Variants in LYPLAL1 observed in about 807,000 individuals in gnomAD.
The protein encoded by LYPLAL1 is lysophospholipase like 1.
LYPLAL1 carries 23 observed loss-of-function variants against 19.7 expected under a neutral mutation model. That is an observed-to-expected ratio of 1.17 (90% CI 0.84 to 1.65). The LOEUF is 1.65. LYPLAL1 is among the 40% of genes most tolerant of loss of function. The pLI is 0.00. For missense variants in LYPLAL1, 355 were observed against 279.4 expected, an observed-to-expected ratio of 1.27 and a Z score of -1.93; for synonymous variants, 119 against 96.3, an observed-to-expected ratio of 1.24 and a Z score of -1.38.
chr1:219,252,959 GA>G, the LYPLAL1 span, among the ~76,000 whole-genome samples: 2 of 151,990 alleles, frequency 1.3e-5, no homozygotes, highest in Non-Finnish European at 2.9e-5. Context: ...TTCAATTTCA[GA>G]GTTTCTTATT....
chr1:219,397,483 G>A, the LYPLAL1 span, among the ~76,000 whole-genome samples: 1 of 152,216 alleles, frequency 6.6e-6, no homozygotes, highest in South Asian at 2.1e-4. Context: ...ATTTCAGTAG[G>A]AATTGTACCA....
intron 2 of LYPLAL1, among the ~76,000 whole-genome samples, chr1:219,192,507 A>G (rs1413795597): frequency 6.6e-6 from 1 of 151,662 alleles, no homozygotes; most frequent in African/African-American, 2.4e-5. Context: ...GGGCATGCCA[A>G]GGGATAAGGA....
At chr1:219,202,577 C>T (rs895805960) in intron 3 of LYPLAL1, among the ~76,000 whole-genome samples, 24 of 152,144 alleles carry the variant, frequency 1.6e-4, no homozygotes, top group African/African-American at 3.4e-4. Flanking sequence ...CTATTCATAA[C>T]GTTTTAATGA....
the LYPLAL1 span, among the ~76,000 whole-genome samples, chr1:219,344,551 T>C: frequency 6.6e-6 from 1 of 152,336 alleles, no homozygotes; most frequent in South Asian, 2.1e-4. Flanking sequence ...ACTTCCTGTT[T>C]TATATCAACA....
the LYPLAL1 span, among the ~76,000 whole-genome samples, chr1:219,289,599 T>G: frequency 6.6e-6 from 1 of 152,074 alleles, no homozygotes; most frequent in Non-Finnish European, 1.5e-5. Flanking sequence ...CAGAAAGAAG[T>G]ATGGTTTTCA....
At chr1:219,256,603 C>G in the LYPLAL1 span, among the ~76,000 whole-genome samples, 1 of 151,964 alleles carries the variant, frequency 6.6e-6, no homozygotes, top group East Asian at 1.9e-4. Flanking sequence ...AACTGTTGCT[C>G]TAACCTTTAT....
At chr1:219,294,973 T>G in the LYPLAL1 span, among the ~76,000 whole-genome samples, 359 of 152,218 alleles carry the variant, frequency 2.4e-3, no homozygotes, top group Admixed American at 5.8e-3. Context: ...TGAGGCAGCT[T>G]CTTTCAGCCA....
chr1:219,237,763 A>G, the LYPLAL1 span, among the ~76,000 whole-genome samples: 4 of 151,892 alleles, frequency 2.6e-5, no homozygotes, highest in African/African-American at 9.7e-5. Flanking sequence ...ATAGCACCTT[A>G]TGCTTCCTGT....
the LYPLAL1 span, among the ~76,000 whole-genome samples, chr1:219,336,058 G>C: frequency 6.6e-6 from 1 of 150,964 alleles, no homozygotes; most frequent in Admixed American, 6.6e-5. Context: ...TGGTCACCTA[G>C]AGAACATTTT....
chr1:219,357,866 G>A, the LYPLAL1 span, among the ~76,000 whole-genome samples: 1 of 152,156 alleles, frequency 6.6e-6, no homozygotes, highest in Non-Finnish European at 1.5e-5. Flanking sequence ...AAATAAGTTA[G>A]CTATCAAACC....
chr1:219,284,195 C>A, the LYPLAL1 span, among the ~76,000 whole-genome samples: 1 of 152,168 alleles, frequency 6.6e-6, no homozygotes, highest in African/African-American at 2.4e-5. Context: ...CCCAGCCATG[C>A]AGAACTGTGA....
At chr1:219,278,348 A>G in the LYPLAL1 span, among the ~76,000 whole-genome samples, 1 of 152,218 alleles carries the variant, frequency 6.6e-6, no homozygotes, top group Non-Finnish European at 1.5e-5. Context: ...AGGGAGAGAG[A>G]GAAAAAAACA....
chr1:219,196,376 A>G (rs1657602713), intron 3 of LYPLAL1, among the ~76,000 whole-genome samples: 1 of 152,168 alleles, frequency 6.6e-6, no homozygotes, highest in East Asian at 1.9e-4. Flanking sequence ...ATTTTTAATA[A>G]TTGCCACTCA....
chr1:219,257,949 G>T, the LYPLAL1 span, among the ~76,000 whole-genome samples: 1 of 151,954 alleles, frequency 6.6e-6, no homozygotes, highest in South Asian at 2.1e-4. Flanking sequence ...TCCCAGGAAT[G>T]CATTCCTTCC....
the LYPLAL1 span, among the ~76,000 whole-genome samples, chr1:219,347,995 A>T: frequency 6.6e-6 from 1 of 152,282 alleles, no homozygotes; most frequent in Middle Eastern, 3.4e-3. Context: ...AGAAATCTGG[A>T]TTATTGCTCA....
the LYPLAL1 span, among the ~76,000 whole-genome samples, chr1:219,277,080 A>G: frequency 6.6e-6 from 1 of 152,298 alleles, no homozygotes; most frequent in Admixed American, 6.5e-5. Context: ...TCTGGCAAAA[A>G]CAAATCTAAT....
the LYPLAL1 span, among the ~76,000 whole-genome samples, chr1:219,292,934 C>G: frequency 1.3e-5 from 2 of 152,144 alleles, no homozygotes; most frequent in Non-Finnish European, 2.9e-5. Context: ...TGCTCCCACC[C>G]AAAGGCATGT....
At chr1:219,279,688 A>G in the LYPLAL1 span, among the ~76,000 whole-genome samples, 6 of 152,202 alleles carry the variant, frequency 3.9e-5, no homozygotes, top group Admixed American at 3.9e-4. Context: ...GCCAGTTTTG[A>G]CAAGTTGAAT....
At chr1:219,345,830 C>G in the LYPLAL1 span, among the ~76,000 whole-genome samples, 1 of 152,146 alleles carries the variant, frequency 6.6e-6, no homozygotes, top group Non-Finnish European at 1.5e-5. Context: ...GACTCAAAGG[C>G]AAATTTTGAC....
Sources: allele counts gnomAD v4.1 joint callset (sites outside exome capture counted in the v4.1 genomes callset), GRCh38; gene constraint gnomAD v4.1.1; transcripts MANE v1.5; gene names NCBI Gene and HGNC (gene_info 2026-07-23, HGNC 2026-07-21).